Variants in OSBPL8 observed in about 807,000 individuals in gnomAD.
OSBPL8 encodes oxysterol-binding protein-related protein 8.
Under a neutral mutation model 125.5 loss-of-function variants are expected in OSBPL8, and 59 were observed. The ratio of observed to expected loss-of-function variants is 0.47; its 90% confidence interval spans 0.38 to 0.58. The LOEUF (loss-of-function observed/expected upper bound fraction) is 0.58, where lower values mean the gene tolerates loss of function less well. Among genes scored for constraint, OSBPL8 ranks in the 20% least tolerant of loss-of-function variants. The pLI is 0.00. For synonymous variants in OSBPL8, 330 were observed against 338.9 expected (o/e 0.97, Z 0.29); for missense variants, 758 against 1,047.8 (o/e 0.72, Z 3.82).
At chr12:76,386,681 CA>C in intron 12 of OSBPL8, 21 bp from the exon 13 acceptor site, 1 of 1,550,798 alleles carries the variant, frequency 6.4e-7, no homozygotes, top group Non-Finnish European at 8.8e-7. Context: ...AAACGGTAAA[CA>C]AAAATTTTAA....
At chr12:76,499,039 G>T (rs1879587133) in intron 1 of OSBPL8, among the ~76,000 whole-genome samples, 1 of 152,108 alleles carries the variant, frequency 6.6e-6, no homozygotes, top group South Asian at 2.1e-4. Flanking sequence ...TCAGTCAGTG[G>T]ACTGGGAAAG....
intron 1 of OSBPL8, among the ~76,000 whole-genome samples, chr12:76,522,029 G>A (rs1342907811): frequency 2.0e-5 from 3 of 152,076 alleles, no homozygotes; most frequent in Non-Finnish European, 4.4e-5. Flanking sequence ...ATCAAACTGA[G>A]GACATATTAA....
chr12:76,419,060 A>G (rs1343589069), intron 4 of OSBPL8, among the ~76,000 whole-genome samples: 4 of 152,076 alleles, frequency 2.6e-5, no homozygotes, highest in Admixed American at 1.3e-4. Context: ...ACATGGTGAA[A>G]CCCTGTCTCT....
chr12:76,432,977 C>A lies in OSBPL8; in HGVS notation c.217+17874G>T, dbSNP rs150571980. On this transcript the variant is annotated intron_variant, in intron 4 of 23. Transcript: ENST00000261183. ...CAATCAATGGGATGAAAGATAAAACCACATGATCACTTTAGTAAATGTGGA... is the reference window on the plus strand; with the variant it reads ...CAATCAATGGGATGAAAGATAAAACAACATGATCACTTTAGTAAATGTGGA... 6.4e-3 allele frequency among the ~76,000 whole-genome samples: 969 copies of A among 152,156 alleles called. 12 individuals carry two copies. The highest frequency in any genetic ancestry group is 0.023 in the African/African-American group (936 of 41,520).
intron 1 of OSBPL8, among the ~76,000 whole-genome samples, chr12:76,528,672 TCACACA>T (rs140199626): frequency 1.3e-5 from 2 of 149,938 alleles, no homozygotes; most frequent in East Asian, 3.9e-4. Context: ...TGTAACAGAA[TCACACA>T]CACACACACA....
intron 1 of OSBPL8, among the ~76,000 whole-genome samples, chr12:76,532,494 G>A (rs567389790): frequency 6.6e-6 from 1 of 152,240 alleles, no homozygotes; most frequent in East Asian, 1.9e-4. Context: ...AAGGCTGAAA[G>A]GCTTGGGTTC....
chr12:76,506,216 T>C (rs1592810284), intron 1 of OSBPL8, among the ~76,000 whole-genome samples: 2 of 152,150 alleles, frequency 1.3e-5, no homozygotes, highest in Admixed American at 6.5e-5. Context: ...GTATGCAATA[T>C]ATTGTGGGAA....
At chr12:76,532,746 C>T (rs1950382246) in intron 1 of OSBPL8, among the ~76,000 whole-genome samples, 1 of 151,930 alleles carries the variant, frequency 6.6e-6, no homozygotes, top group African/African-American at 2.4e-5. Flanking sequence ...CCAATCAGTC[C>T]ATGCCTGTCT....
At chr12:76,489,641 T>C (rs1228212151) in intron 1 of OSBPL8, among the ~76,000 whole-genome samples, 1 of 152,240 alleles carries the variant, frequency 6.6e-6, no homozygotes, top group Non-Finnish European at 1.5e-5. Context: ...TTCAAAATAT[T>C]ACCACTCACT....
intron 1 of OSBPL8, among the ~76,000 whole-genome samples, chr12:76,539,049 T>G (rs1256130084): frequency 1.0e-5 from 1 of 99,548 alleles, no homozygotes; most frequent in African/African-American, 3.6e-5. Context: ...ATTAAATAAC[T>G]GGGGGGGGGG....
intron 4 of OSBPL8, among the ~76,000 whole-genome samples, chr12:76,418,110 G>A (rs1227924334): frequency 6.8e-6 from 1 of 147,052 alleles, no homozygotes; most frequent in Non-Finnish European, 1.5e-5. Context: ...CCGCCTCCCG[G>A]GTTCAAGCAA....
intron 1 of OSBPL8, among the ~76,000 whole-genome samples, chr12:76,518,959 T>C (rs912183293): frequency 1.3e-5 from 2 of 152,226 alleles, no homozygotes; most frequent in Non-Finnish European, 2.9e-5. Context: ...TTTCCCATTG[T>C]CTTGGATATT....
rs751867518 is a variant in OSBPL8, at chr12:76,456,714, T to C, written c.79+3145A>G. Reference sequence around the variant, plus strand: ...ACATAATACGAAGAGTCAACACATATTGTATATGTTGTATGTATTACATAT... The same window carrying C: ...ACATAATACGAAGAGTCAACACATACTGTATATGTTGTATGTATTACATAT... On this transcript the variant is annotated intron_variant, in intron 3 of 23. Transcript: ENST00000261183. Among the ~76,000 whole-genome samples, 6 of 152,330 alleles carry C rather than the reference T, an allele frequency of 3.9e-5. No individual in the cohort carries two copies. In the East Asian group the frequency reaches 1.2e-3, roughly 29 times the overall value.
intron 1 of OSBPL8, among the ~76,000 whole-genome samples, chr12:76,510,376 A>T (rs2137178854): frequency 6.6e-6 from 1 of 152,344 alleles, no homozygotes; most frequent in Non-Finnish European, 1.5e-5. Context: ...TATCATCAGC[A>T]TTTTGCCCCG....
At chr12:76,436,460 A>C (rs998744315) in intron 4 of OSBPL8, among the ~76,000 whole-genome samples, 2 of 151,928 alleles carry the variant, frequency 1.3e-5, no homozygotes, top group Non-Finnish European at 2.9e-5. Flanking sequence ...GACCAGTAAA[A>C]TTCCACCCCC....
At chr12:76,499,304 CTCTATCTATCTATCTA>C (rs1555231510) in intron 1 of OSBPL8, among the ~76,000 whole-genome samples, 17 of 127,986 alleles carry the variant, frequency 1.3e-4, no homozygotes, top group Non-Finnish European at 6.7e-5. Context: ...ACTTAATAAA[CTCTATCTATCTATCTA>C]TCTATCTATC....
chr12:76,520,573 C>T (rs899754087), intron 1 of OSBPL8, among the ~76,000 whole-genome samples: 3 of 152,204 alleles, frequency 2.0e-5, no homozygotes, highest in Non-Finnish European at 4.4e-5. Context: ...TAAAGGTTAA[C>T]TGGCAGTTAG....
rs563863490 is a variant in OSBPL8, at chr12:76,496,287, C to T, written c.-67-8669G>A. Among the ~76,000 whole-genome samples the T allele has an allele frequency of 1.7e-3, 262 of 152,044 alleles. 2 individuals carry two copies. The highest frequency in any genetic ancestry group is 3.0e-3 in the Non-Finnish European group (207 of 67,996). On this transcript the variant is annotated intron_variant, in intron 1 of 23. Transcript: ENST00000261183. ...AAGTCATTTGTTACTTCTTCTTGACCCTTCCCCTTCTGTGCTGTTGGTTTT... is the reference window on the plus strand; with the variant it reads ...AAGTCATTTGTTACTTCTTCTTGACTCTTCCCCTTCTGTGCTGTTGGTTTT...
intron 2 of OSBPL8, among the ~76,000 whole-genome samples, chr12:76,472,945 C>A (rs1876350289): frequency 6.6e-6 from 1 of 152,056 alleles, no homozygotes; most frequent in East Asian, 1.9e-4. Flanking sequence ...AAGGGAGACT[C>A]CCTTTCCTGG....
Sources: gnomAD v4.1 joint callset for allele counts (sites outside exome capture counted in the v4.1 genomes callset) on GRCh38, gnomAD v4.1.1 for gene constraint, MANE v1.5 for transcripts, NCBI Gene and HGNC (gene_info 2026-07-23, HGNC 2026-07-21) for gene names.